DYNC1LI1: variants seen among roughly 807,000 people sequenced by gnomAD.
DYNC1LI1 encodes cytoplasmic dynein 1 light intermediate chain 1.
DYNC1LI1 carries 19 observed loss-of-function variants against 63.8 expected under a neutral mutation model. The ratio of observed to expected loss-of-function variants is 0.30; its 90% CI spans 0.21 to 0.44. The LOEUF (loss-of-function observed/expected upper bound fraction) is 0.44, where lower values mean the gene tolerates loss of function less well. Ranked by LOEUF, DYNC1LI1 falls within the 20% of genes least tolerant of loss-of-function variation. The pLI, the probability that DYNC1LI1 is intolerant of heterozygous loss-of-function variation, is 1.00. For missense variants in DYNC1LI1, 565 were observed against 630.2 expected, an observed-to-expected ratio of 0.90 and a Z score of 1.11; for synonymous variants, 225 against 232.3, an observed-to-expected ratio of 0.97 and a Z score of 0.28.
chr3:32,536,696 T>TA (rs1170243312), intron 6 of DYNC1LI1, among the ~76,000 whole-genome samples: 1 of 152,124 alleles, frequency 6.6e-6, no homozygotes, highest in Admixed American at 6.5e-5. Context: ...CACCCACCAA[T>TA]AAATACAGTT....
At chr3:32,530,420 C>A in intron 9 of DYNC1LI1, 41 bp downstream of exon 9, 1 of 1,605,034 alleles carries the variant, frequency 6.2e-7, no homozygotes, top group Non-Finnish European at 8.5e-7. Context: ...AACAGTTTAC[C>A]CATTAACCAT....
chr3:32,535,817 G>T (rs1428620977), intron 6 of DYNC1LI1, among the ~76,000 whole-genome samples: 1 of 152,006 alleles, frequency 6.6e-6, no homozygotes, highest in East Asian at 1.9e-4. Context: ...AAAATCAACT[G>T]GCTCTAATGG....
chr3:32,537,139 A>T (rs1260181409), intron 5 of DYNC1LI1, 35 bp from the exon 6 acceptor site: 11 of 1,187,470 alleles, frequency 9.3e-6, no homozygotes, highest in Non-Finnish European at 1.3e-5. Context: ...TAATACATTT[A>T]AAATAATCAT....
At position 32,570,184 on chromosome 3, in the gene DYNC1LI1, G is replaced by A. The variant is rs1223812419; in HGVS notation, c.220+162C>T. ...CCGCAGGTCCTGGGTCAAGGGTCTC[G>A]TGTTCCCCTTCTCTCCCAGCCATCC... On this transcript the variant is annotated intron_variant, in intron 2 of 12. Transcript: ENST00000273130. 3 of 725,838 alleles carry A rather than the reference G, an allele frequency of 4.1e-6. No individual in the cohort carries two copies. In the South Asian group the frequency reaches 4.5e-5, roughly 11 times the overall value. 45.0% of individuals were successfully genotyped at this position (725,838 alleles called of 1,614,324 possible).
intron 2 of DYNC1LI1, among the ~76,000 whole-genome samples, chr3:32,549,481 T>C (rs1282603877): frequency 6.6e-6 from 1 of 152,084 alleles, no homozygotes; most frequent in Non-Finnish European, 1.5e-5. Context: ...AGAAATCCTC[T>C]AAGTTAAAAT....
intron 2 of DYNC1LI1, among the ~76,000 whole-genome samples, chr3:32,553,600 T>C (rs1305155285): frequency 6.6e-6 from 1 of 152,214 alleles, no homozygotes; most frequent in African/African-American, 2.4e-5. Flanking sequence ...CCTTCGCCCA[T>C]ACCTTAGTCA....
At chr3:32,569,518 T>G (rs1201842495) in intron 2 of DYNC1LI1, among the ~76,000 whole-genome samples, 1 of 152,182 alleles carries the variant, frequency 6.6e-6, no homozygotes, top group African/African-American at 2.4e-5. Context: ...GTTTTTAAAT[T>G]TAATCATCGT....
chr3:32,535,230 T>C (rs1697758431), intron 6 of DYNC1LI1, among the ~76,000 whole-genome samples: 1 of 152,164 alleles, frequency 6.6e-6, no homozygotes, highest in South Asian at 2.1e-4. Flanking sequence ...AAACTTGAAA[T>C]AACACAACCT....
chr3:32,554,645 T>A (rs934477838), intron 2 of DYNC1LI1, among the ~76,000 whole-genome samples: 3 of 152,136 alleles, frequency 2.0e-5, no homozygotes, highest in Non-Finnish European at 4.4e-5. Flanking sequence ...TCCCTTTAGC[T>A]CTTAGGGTAA....
chr3:32,535,546 A>G (rs1697762475), intron 6 of DYNC1LI1, among the ~76,000 whole-genome samples: 1 of 152,260 alleles, frequency 6.6e-6, no homozygotes, highest in African/African-American at 2.4e-5. Flanking sequence ...AATACAACTT[A>G]CTAAACTTAC....
chr3:32,528,702 T>G (rs1697655980), intron 11 of DYNC1LI1, 101 bp from the exon 12 acceptor site: 5 of 1,163,172 alleles, frequency 4.3e-6, no homozygotes, highest in Non-Finnish European at 5.8e-6. Flanking sequence ...TAAACTTAAA[T>G]TTTAAGAGTT....
intron 1 of DYNC1LI1, 82 bp from the exon 2 acceptor site, chr3:32,570,501 G>C: frequency 6.8e-7 from 1 of 1,480,348 alleles, no homozygotes; most frequent in Non-Finnish European, 9.0e-7. Flanking sequence ...GGCGCGCCGG[G>C]GATGGGGCTG....
chr3:32,556,602 G>T (rs528441779), intron 2 of DYNC1LI1, among the ~76,000 whole-genome samples: 66 of 152,150 alleles, frequency 4.3e-4, no homozygotes, highest in Non-Finnish European at 8.1e-4. Context: ...CTGGGGTACA[G>T]TGCACAATTA....
At chr3:32,541,349 T>C (rs1220311272) in intron 4 of DYNC1LI1, 143 bp from the exon 5 acceptor site, 1 of 584,736 alleles carries the variant, frequency 1.7e-6, no homozygotes, top group Non-Finnish European at 3.0e-6. Flanking sequence ...AGAAACCTAT[T>C]TCAAAGAGAA....
rs550955126 is a variant in DYNC1LI1 at position 32,567,178 on chromosome 3, C to CAG, written c.220+3166_220+3167dup. On this transcript the variant is annotated intron_variant, in intron 2 of 12. Transcript: ENST00000273130. ...CTTCTATCAAGTTAGAAATCCATGC[C>CAG]AGAGTCACAGAACAGGGCCCTTATG... 2.8e-4 allele frequency among the ~76,000 whole-genome samples: 43 copies of CAG among 152,300 alleles called. 1 individual carries two copies. The South Asian group carries it at 7.7e-3, about 27-fold the overall frequency.
In DYNC1LI1 at chr3:32,536,961, A is replaced by G. The variant is rs375516616; in HGVS notation, c.832+50T>C. On this transcript the variant is annotated intron_variant, in intron 6 of 12. Transcript: ENST00000273130. ...TTAATTCTTTTAACTTTAAAAAACT[A>G]AAACAGGTAAAGTGATACACTGAAT... is the stretch of plus-strand genomic sequence containing the variant. 3.8e-3 allele frequency: 4,131 copies of G among 1,093,542 alleles called. 5 individuals carry two copies. The highest frequency in any genetic ancestry group is 5.0e-3 in the Non-Finnish European group (3,693 of 744,282). The allele number at this position is 1,093,542 out of a possible 1,614,324, so 67.7% of individuals were successfully genotyped here. A position where few individuals can be genotyped will look rare whatever the true frequency, so the allele number is the denominator to read the frequency against.
chr3:32,556,303 T>C (rs1698114331), intron 2 of DYNC1LI1, among the ~76,000 whole-genome samples: 1 of 152,212 alleles, frequency 6.6e-6, no homozygotes, highest in Non-Finnish European at 1.5e-5. Context: ...GCAGACTGAA[T>C]AGCACACTGT....
At chr3:32,548,016 T>C (rs887251540) in intron 2 of DYNC1LI1, among the ~76,000 whole-genome samples, 1 of 152,016 alleles carries the variant, frequency 6.6e-6, no homozygotes, top group East Asian at 1.9e-4. Flanking sequence ...CACACACATA[T>C]ATATTATACA....
chr3:32,556,312 G>A (rs751891132), intron 2 of DYNC1LI1, among the ~76,000 whole-genome samples: 1 of 152,180 alleles, frequency 6.6e-6, no homozygotes, highest in Non-Finnish European at 1.5e-5. Flanking sequence ...ATAGCACACT[G>A]TACTGCAGAG....
Sources: allele counts gnomAD v4.1 joint callset (sites outside exome capture counted in the v4.1 genomes callset), GRCh38; gene constraint gnomAD v4.1.1; transcripts MANE v1.5; gene names NCBI Gene and HGNC (gene_info 2026-07-23, HGNC 2026-07-21).